CNOT2: variants seen among roughly 807,000 people sequenced by gnomAD.
CNOT2 encodes the protein CCR4-NOT transcription complex subunit 2, also known as CC chemokine receptor 4-negative regulator of transcription 2.
CNOT2 carries 7 observed loss-of-function variants against 72.1 expected under a neutral mutation model. The ratio of observed to expected loss-of-function variants is 0.10; its 90% CI spans 0.06 to 0.18. The LOEUF is 0.18. Ranked by LOEUF, CNOT2 falls within the 10% of genes least tolerant of loss-of-function variation. CNOT2 has a pLI of 1.00. For missense variants in CNOT2, 345 were observed against 660.3 expected (o/e 0.52, Z 5.23); for synonymous variants, 196 against 225.6 (o/e 0.87, Z 1.17).
At chr12:70,277,161 A>G (rs1297241178) in intron 1 of CNOT2, among the ~76,000 whole-genome samples, 2 of 152,068 alleles carry the variant, frequency 1.3e-5, no homozygotes, top group East Asian at 3.8e-4. Flanking sequence ...GGCTAGCAAG[A>G]TTATTAGTTC....
intron 2 of CNOT2, among the ~76,000 whole-genome samples, chr12:70,296,291 T>C (rs1872778959): frequency 6.6e-6 from 1 of 152,128 alleles, no homozygotes; most frequent in South Asian, 2.1e-4. Context: ...CTCTCCAAAA[T>C]AGTGATTGTG....
chr12:70,254,946 A>G (rs531133354), intron 1 of CNOT2, among the ~76,000 whole-genome samples: 148 of 149,658 alleles, frequency 9.9e-4, no homozygotes, highest in African/African-American at 3.3e-3. Flanking sequence ...ATGCCAGTGT[A>G]CACCAGCCTG....
intron 1 of CNOT2, among the ~76,000 whole-genome samples, chr12:70,273,780 T>C (rs2135787564): frequency 6.6e-6 from 1 of 152,260 alleles, no homozygotes; most frequent in South Asian, 2.1e-4. Flanking sequence ...TAGATAGACC[T>C]GACTCTCTAC....
intron 4 of CNOT2, among the ~76,000 whole-genome samples, chr12:70,319,897 G>T (rs1235454725): frequency 6.6e-6 from 1 of 151,610 alleles, no homozygotes; most frequent in Non-Finnish European, 1.5e-5. Context: ...GTTCCGTTTT[G>T]CAGGCTTCTA....
At chr12:70,304,134 T>C (rs149462804) in intron 2 of CNOT2, among the ~76,000 whole-genome samples, 3,433 of 152,220 alleles carry the variant, frequency 0.023, 82 homozygotes, top group Admixed American at 0.047. Flanking sequence ...TTAACTTCTT[T>C]GCCATTGGTT....
chr12:70,262,969 G>A (rs1474432021), intron 1 of CNOT2, among the ~76,000 whole-genome samples: 5 of 152,078 alleles, frequency 3.3e-5, no homozygotes, highest in Admixed American at 2.0e-4. Flanking sequence ...CACCACACCC[G>A]GCCTATTTTG....
At chr12:70,319,701 GTTTA>G (rs903542646) in intron 4 of CNOT2, among the ~76,000 whole-genome samples, 1 of 150,598 alleles carries the variant, frequency 6.6e-6, no homozygotes, top group African/African-American at 2.4e-5. Flanking sequence ...AGCTTTTTTA[GTTTA>G]TTTGACTGGC....
At chr12:70,333,753 A>G (rs1450662719) in intron 7 of CNOT2, among the ~76,000 whole-genome samples, 1 of 152,028 alleles carries the variant, frequency 6.6e-6, no homozygotes, top group African/African-American at 2.4e-5. Context: ...TTGAAAAAAG[A>G]TTCCAAATTT....
intron 1 of CNOT2, among the ~76,000 whole-genome samples, chr12:70,262,422 C>T (rs1270026262): frequency 6.6e-6 from 1 of 151,428 alleles, no homozygotes; most frequent in Non-Finnish European, 1.5e-5. Flanking sequence ...TACAGGCGCC[C>T]GCCACTACAC....
chr12:70,312,076 C>A (rs1876561486), intron 3 of CNOT2, among the ~76,000 whole-genome samples: 1 of 151,776 alleles, frequency 6.6e-6, no homozygotes, highest in Admixed American at 6.6e-5. Context: ...CTATCAATGG[C>A]ATTATTGGGC....
intron 2 of CNOT2, among the ~76,000 whole-genome samples, chr12:70,282,790 G>T (rs1053864807): frequency 6.6e-6 from 1 of 151,852 alleles, no homozygotes; most frequent in African/African-American, 2.4e-5. Context: ...GTATATTGAG[G>T]TACATCTTTT....
At chr12:70,345,455 T>G (rs938482550) in intron 14 of CNOT2, 2 of 152,216 alleles carry the variant, frequency 1.3e-5, no homozygotes, top group Admixed American at 6.5e-5. Context: ...CTGGCAGTTC[T>G]GTTTTCATAT....
At chr12:70,256,654 A>C (rs1441050734) in intron 1 of CNOT2, among the ~76,000 whole-genome samples, 1 of 151,780 alleles carries the variant, frequency 6.6e-6, no homozygotes, top group Non-Finnish European at 1.5e-5. Flanking sequence ...TTGGTGAGAG[A>C]AGAAAATAAA....
chr12:70,310,510 G>A (rs1748452445), intron 2 of CNOT2, among the ~76,000 whole-genome samples: 1 of 151,884 alleles, frequency 6.6e-6, no homozygotes, highest in African/African-American at 2.4e-5. Context: ...GAGAAAATAA[G>A]GTGATGACAG....
intron 3 of CNOT2, among the ~76,000 whole-genome samples, chr12:70,312,904 G>C (rs1244081045): frequency 2.0e-5 from 3 of 151,764 alleles, no homozygotes; most frequent in African/African-American, 7.2e-5. Context: ...TACCTATAAT[G>C]CTATCAGAAA....
chr12:70,337,076 T>A (rs1182764034), intron 8 of CNOT2: 1 of 184,806 alleles, frequency 5.4e-6, no homozygotes, highest in Non-Finnish European at 1.1e-5. Flanking sequence ...AGTCAAATAT[T>A]TAAATAAAAC....
At chr12:70,297,277 C>A (rs192620958) in intron 2 of CNOT2, among the ~76,000 whole-genome samples, 1 of 152,270 alleles carries the variant, frequency 6.6e-6, no homozygotes. Flanking sequence ...CACTTTTTCC[C>A]CCTTCTCAGG....
At chr12:70,247,478 G>A (rs1393052657) in intron 1 of CNOT2, among the ~76,000 whole-genome samples, 1 of 152,102 alleles carries the variant, frequency 6.6e-6, no homozygotes, top group Non-Finnish European at 1.5e-5. Context: ...TCATGTGTAT[G>A]TTATTGCATG....
At chr12:70,263,169 A>G (rs565032101) in intron 1 of CNOT2, among the ~76,000 whole-genome samples, 37 of 152,204 alleles carry the variant, frequency 2.4e-4, no homozygotes, top group African/African-American at 8.4e-4. Context: ...GTTTTGTGCT[A>G]TGATGTTTCT....
Sources: allele counts gnomAD v4.1 joint callset (sites outside exome capture counted in the v4.1 genomes callset), GRCh38; gene constraint gnomAD v4.1.1; transcripts MANE v1.5; gene names NCBI Gene and HGNC (gene_info 2026-07-23, HGNC 2026-07-21).